Variants in E2F3 observed in about 807,000 individuals in gnomAD.
The protein encoded by E2F3 is E2F transcription factor 3, also known as transcription factor E2F3.
Under a neutral mutation model 44.4 loss-of-function variants are expected in E2F3, and 11 were observed. That is an observed-to-expected ratio of 0.25 (90% CI 0.16 to 0.41). The LOEUF is 0.41. E2F3 is among the 10% of genes least tolerant of loss of function. E2F3 has a pLI of 1.00. For missense variants in E2F3, 487 were observed against 583.6 expected, an observed-to-expected ratio of 0.83 and a Z score of 1.70; for synonymous variants, 249 against 253.0, an observed-to-expected ratio of 0.98 and a Z score of 0.15.
intron 1 of E2F3, among the ~76,000 whole-genome samples, chr6:20,479,599 G>A (rs973227823): frequency 1.3e-5 from 2 of 152,244 alleles, no homozygotes; most frequent in Non-Finnish European, 2.9e-5. Context: ...TAATGCTGAA[G>A]GATCGCTGTG....
rs914072774 is a variant in E2F3 at position 20,436,066 on chromosome 6, C to T, written c.393+33441C>T. Reference sequence around the variant, plus strand: ...TGTGATCTCAGCTCACTGCAACCTCCGCCTCCTGGATTCAAGCAATTCTTC... The same window carrying T: ...TGTGATCTCAGCTCACTGCAACCTCTGCCTCCTGGATTCAAGCAATTCTTC... On this transcript the variant is annotated intron_variant, in intron 1 of 6. Transcript: ENST00000346618. Among the ~76,000 whole-genome samples, 5 of 151,124 alleles carry T rather than the reference C, an allele frequency of 3.3e-5. No homozygotes were observed. In the East Asian group the frequency reaches 7.9e-4, roughly 24 times the overall value.
In E2F3 at chr6:20,439,434, T is replaced by C. The variant is rs148259383; in HGVS notation, c.393+36809T>C. Among the ~76,000 whole-genome samples the C allele has an allele frequency of 7.9e-5, 12 of 152,370 alleles. No individual in the cohort carries two copies. The East Asian group carries it at 2.1e-3, about 27-fold the overall frequency. On this transcript the variant is annotated intron_variant, in intron 1 of 6. Coordinates refer to ENST00000346618, the MANE Select transcript of E2F3 (RefSeq NM_001949.5). ...TCTTTATTTTATTTATTAATGTATT[T>C]GCCATTTCTCCATTAGATCTGATTT...
chr6:20,492,739 A>G lies in E2F3; in HGVS notation c.*2309A>G, dbSNP rs1343922119. On this transcript the variant is annotated 3_prime_UTR_variant, in exon 7 of 7. Transcript: ENST00000346618. ...ATAAGTCTTAAAAGTTCCTTCATGC[A>G]TAAGATTTTTTTCCAGTTACTGGGT... 2 of 231,200 alleles carry G rather than the reference A, an allele frequency of 8.7e-6. No homozygotes were observed. The highest frequency in any genetic ancestry group is 1.2e-4 in the East Asian group (2 of 16,272). The allele number at this position is 231,200 out of a possible 1,614,324, so 14.3% of individuals were successfully genotyped here. A position where few individuals can be genotyped will look rare whatever the true frequency, so the allele number is the denominator to read the frequency against.
At chr6:20,482,658 C>A in intron 3 of E2F3, 104 bp from the exon 4 acceptor site, 1 of 1,029,810 alleles carries the variant, frequency 9.7e-7, no homozygotes, top group Non-Finnish European at 1.4e-6. Flanking sequence ...GGCTAACAAG[C>A]AATGTGACCT....
At position 20,488,192 on chromosome 6, in the gene E2F3, C is replaced by G; in HGVS notation, c.1079C>G (p.Pro360Arg). The change falls in exon 6 of 7, where the codon CCA becomes CGA. Residue 360 changes from proline (P) to arginine (R), a missense_variant. This residue lies in a region of E2F3 where 220 missense variants were observed against 261.7 expected (regional missense o/e 0.84). Coordinates refer to ENST00000346618, the MANE Select transcript of E2F3 (RefSeq NM_001949.5). The stretch of plus-strand genomic sequence containing the variant: ...CCAGAAGAGACTGAAACACACAGTC[C>G]AATGAAAACAAACAACCAAGACCAC... ...LCPEETETHS[P>R]MKTNNQDHNG... The G allele has an allele frequency of 6.2e-7, 1 of 1,611,702 alleles. No individual in the cohort carries two copies. Among genetic ancestry groups the G allele is most frequent in the Non-Finnish European group, 8.5e-7 (1 of 1,179,468 alleles).
intron 2 of E2F3, among the ~76,000 whole-genome samples, chr6:20,480,673 C>T (rs1445134343): frequency 6.6e-6 from 1 of 152,132 alleles, no homozygotes; most frequent in Non-Finnish European, 1.5e-5. Flanking sequence ...GAAGACTTTT[C>T]CAGGTAATTA....
intron 1 of E2F3, among the ~76,000 whole-genome samples, chr6:20,441,544 G>T (rs992520624): frequency 4.6e-5 from 7 of 151,874 alleles, no homozygotes; most frequent in Non-Finnish European, 1.0e-4. Flanking sequence ...AGAATTGCTG[G>T]TCATATGGTA....
Position 20,481,345 on chromosome 6 carries a change from G to A in E2F3, c.645G>A (p.Lys215=), listed in dbSNP as rs769945484. The change falls in exon 3 of 7, where the codon AAG becomes AAA. Residue 215 remains lysine, a synonymous_variant. Transcript: ENST00000346618. ...CAGCAGAAGTGCTAAAAGTGCAAAAGAGAAGGATTTATGATATCACCAACG... is the reference window on the plus strand; with the variant it reads ...CAGCAGAAGTGCTAAAAGTGCAAAAAAGAAGGATTTATGATATCACCAACG... ...NKAAEVLKVQ[K]RRIYDITNVL... is the part of the protein sequence containing the mutation. 3.7e-6 allele frequency: 6 copies of A among 1,614,158 alleles called. No individual in the cohort carries two copies. The highest frequency in any genetic ancestry group is 5.1e-6 in the Non-Finnish European group (6 of 1,180,038).
chr6:20,430,547 G>T (rs1007326111), intron 1 of E2F3, among the ~76,000 whole-genome samples: 22 of 152,096 alleles, frequency 1.4e-4, no homozygotes, highest in Admixed American at 7.9e-4. Context: ...GAATAAACTG[G>T]AGTTAGTTGT....
intron 1 of E2F3, among the ~76,000 whole-genome samples, chr6:20,423,248 T>TAGA (rs1760086991): frequency 1.3e-5 from 2 of 152,244 alleles, no homozygotes; most frequent in Admixed American, 6.5e-5. Context: ...TAGCCTACTA[T>TAGA]ACCCCAAGGT....
chr6:20,402,304 C>A lies in E2F3; in HGVS notation c.72C>A (p.Val24=). Residue 24 remains valine, a synonymous_variant, in exon 1 of 7, where the codon GTC becomes GTA. Transcript: ENST00000346618. The surrounding 1 kb of genome is among the most constrained non-coding windows in gnomAD (Gnocchi z 5.6). ...CCGGGGGTGGGGAGGGGGCGGCTGT[C>A]GTCGCCGCCGCCGCTGCAGCCTCCA... is the stretch of plus-strand genomic sequence containing the variant. ...VTAGGGEGAA[V]VAAAAAASMD... The A allele has an allele frequency of 6.2e-7, 1 of 1,607,530 alleles. No homozygotes were observed. The highest frequency in any genetic ancestry group is 8.5e-7 in the Non-Finnish European group (1 of 1,178,238).
In E2F3 at chr6:20,429,717, G is replaced by GT. The variant is rs555939984; in HGVS notation, c.393+27102dup. 1.1e-3 allele frequency among the ~76,000 whole-genome samples: 163 copies of GT among 146,684 alleles called. No homozygotes were observed. In the East Asian group the frequency reaches 0.023, roughly 21 times the overall value. On this transcript the variant is annotated intron_variant, in intron 1 of 6. Transcript: ENST00000346618. ...TTTTTTTCCAACCACTTTCTTGTGTGTTTTTTTTTTCAGTATCTTAACCCA... is the reference window on the plus strand; with the variant it reads ...TTTTTTTCCAACCACTTTCTTGTGTGTTTTTTTTTTTCAGTATCTTAACCCA...
Position 20,493,279 on chromosome 6 carries a change from T to C in E2F3, c.*2849T>C, listed in dbSNP as rs1166914406. The stretch of plus-strand genomic sequence containing the variant: ...TTTGTTGTACGTGTAGATCTGTAAA[T>C]AAAATTGCAGTATTTAAAGCTTAAG... On this transcript the variant is annotated 3_prime_UTR_variant, in exon 7 of 7. Transcript: ENST00000346618. 5.2e-6 allele frequency: 1 copy of C among 191,550 alleles called. No individual in the cohort carries two copies. Among genetic ancestry groups the C allele is most frequent in the Non-Finnish European group, 1.0e-5 (1 of 97,782 alleles). 11.9% of individuals were successfully genotyped at this position (191,550 alleles called of 1,614,324 possible).
At chr6:20,450,317 G>C (rs144797988) in intron 1 of E2F3, among the ~76,000 whole-genome samples, 26 of 152,156 alleles carry the variant, frequency 1.7e-4, no homozygotes, top group Non-Finnish European at 3.5e-4. Context: ...TAGACATTCT[G>C]TCTGGTGTGA....
Position 20,436,452 on chromosome 6 carries a change from A to AACACAC in E2F3, c.393+33849_393+33854dup, listed in dbSNP as rs765678025. 2.7e-3 allele frequency among the ~76,000 whole-genome samples: 390 copies of AACACAC among 146,328 alleles called. 1 individual carries two copies. The highest frequency in any genetic ancestry group is 3.0e-3 in the Non-Finnish European group (198 of 66,992). On this transcript the variant is annotated intron_variant, in intron 1 of 6. Transcript: ENST00000346618. The stretch of plus-strand genomic sequence containing the variant: ...ACTAACAATAGCTGATGAGCTAGGA[A>AACACAC]ACACACACACACACACACACACACA...
chr6:20,493,218 G>A lies in E2F3; in HGVS notation c.*2788G>A, dbSNP rs1581668602. 4.4e-6 allele frequency: 1 copy of A among 226,840 alleles called. No individual in the cohort carries two copies. The highest frequency in any genetic ancestry group is 6.3e-5 in the East Asian group (1 of 15,764). 14.1% of individuals were successfully genotyped at this position (226,840 alleles called of 1,614,324 possible). A position where few individuals can be genotyped will look rare whatever the true frequency, so the allele number is the denominator to read the frequency against. The stretch of plus-strand genomic sequence containing the variant: ...TTTTTAAGAGTGTTATTTTGTTTTT[G>A]TTTTTCTGTTCTTTGTTGTGGCTCT... On this transcript the variant is annotated 3_prime_UTR_variant, in exon 7 of 7. Transcript: ENST00000346618.
intron 1 of E2F3, among the ~76,000 whole-genome samples, chr6:20,439,509 T>C (rs558865620): frequency 1.8e-4 from 27 of 152,350 alleles, no homozygotes; most frequent in African/African-American, 6.5e-4. Flanking sequence ...CATGTCCCTC[T>C]GCAACCATCA....
Position 20,445,396 on chromosome 6 carries a change from A to C in E2F3, c.394-34450A>C, listed in dbSNP as rs1760909316. On this transcript the variant is annotated intron_variant, in intron 1 of 6. Coordinates refer to ENST00000346618, the MANE Select transcript of E2F3 (RefSeq NM_001949.5). ...CTGGGATTACAGGCCCGTGCCACCAAGCCCAGCTAATTTTTGTAGTTTCAG... is the reference window on the plus strand; with the variant it reads ...CTGGGATTACAGGCCCGTGCCACCACGCCCAGCTAATTTTTGTAGTTTCAG... 1.3e-5 allele frequency among the ~76,000 whole-genome samples: 2 copies of C among 152,012 alleles called. 1 individual carries two copies. The highest frequency in any genetic ancestry group is 4.1e-4 in the South Asian group (2 of 4,824).
At chr6:20,462,847 TTC>T (rs1561873210) in intron 1 of E2F3, among the ~76,000 whole-genome samples, 94 of 144,384 alleles carry the variant, frequency 6.5e-4, no homozygotes, top group Non-Finnish European at 1.2e-3. Context: ...TTTGTTCTCT[TTC>T]TCTCTCTCTC....
Sources: gnomAD v4.1 joint callset for allele counts (sites outside exome capture counted in the v4.1 genomes callset) on GRCh38, gnomAD v4.1.1 for gene constraint, gnomAD v4.1.1 regional missense constraint, Gnocchi (gnomAD v3.1) non-coding constraint, MANE v1.5 for transcripts, NCBI Gene and HGNC (gene_info 2026-07-23, HGNC 2026-07-21) for gene names.